MICAL2: variants seen among roughly 807,000 people sequenced by gnomAD.
The protein encoded by MICAL2 is microtubule associated monooxygenase, calponin and LIM domain containing 2.
MICAL2 carries 77 observed loss-of-function variants against 127.3 expected under a neutral mutation model. The observed-to-expected ratio is 0.60, with a 90% CI of 0.50 to 0.73. The LOEUF is 0.73. MICAL2 is among the 30% of genes least tolerant of loss of function. MICAL2 has a pLI of 0.00. For synonymous variants in MICAL2, 570 were observed against 551.1 expected (o/e 1.03, Z -0.48); for missense variants, 1,351 against 1,434.4 (o/e 0.94, Z 0.94).
intron 3 of MICAL2, among the ~76,000 whole-genome samples, chr11:12,171,717 G>A (rs1398687376): frequency 2.0e-5 from 3 of 152,158 alleles, no homozygotes; most frequent in African/African-American, 4.8e-5. Context: ...TTAAGGAGAA[G>A]TGAGGAGAGA....
intron 14 of MICAL2, 104 bp from the exon 15 acceptor site, chr11:12,226,921 G>C (rs1009445386): frequency 8.2e-6 from 7 of 850,564 alleles, no homozygotes; most frequent in Non-Finnish European, 1.4e-5. Context: ...CCCAAGTGCT[G>C]GGATTACAGG....
chr11:12,160,016 G>A (rs1854597532), intron 2 of MICAL2, among the ~76,000 whole-genome samples: 2 of 152,238 alleles, frequency 1.3e-5, no homozygotes. Flanking sequence ...GGAGGACCCA[G>A]CCTGGGTAGG....
rs78986346 is a variant in MICAL2 at position 12,224,657 on chromosome 11, G to C, written c.1541-16G>C. 1.2e-6 allele frequency: 2 copies of C among 1,610,294 alleles called. No individual in the cohort carries two copies. The highest frequency in any genetic ancestry group is 1.1e-5 in the South Asian group (1 of 90,982). On this transcript the variant is annotated splice_polypyrimidine_tract_variant and intron_variant, in intron 12 of 27. Transcript: ENST00000683283. ...ATTCCTGCAGAGCCTCACTGCCTGCGCTCTCCTTCTTGCAGAGTCAGATAT... is the reference window on the plus strand; with the variant it reads ...ATTCCTGCAGAGCCTCACTGCCTGCCCTCTCCTTCTTGCAGAGTCAGATAT...
At position 12,193,050 on chromosome 11, in the gene MICAL2, C is replaced by G. The variant is rs112589790; in HGVS notation, c.265-11200C>G. On this transcript the variant is annotated intron_variant, in intron 3 of 27. Transcript: ENST00000683283. Reference sequence around the variant, plus strand: ...GCTGCCTGCTTCTAGTCTCAGGTCCCTCACTACACCACCATATCCGCTATT... The same window carrying G: ...GCTGCCTGCTTCTAGTCTCAGGTCCGTCACTACACCACCATATCCGCTATT... Among the ~76,000 whole-genome samples, 326 of 152,278 alleles carry G rather than the reference C, an allele frequency of 2.1e-3. 1 individual carries two copies. The highest frequency in any genetic ancestry group is 7.3e-3 in the African/African-American group (302 of 41,558).
chr11:12,262,663 A>T, intron 27 of MICAL2, 126 bp downstream of exon 27: 1 of 804,146 alleles, frequency 1.2e-6, no homozygotes, highest in Non-Finnish European at 2.1e-6. Flanking sequence ...TGATGGACTC[A>T]TTTGGTGGCA....
intron 33 of MICAL2, among the ~76,000 whole-genome samples, chr11:12,353,277 T>G (rs1939081103): frequency 6.6e-6 from 1 of 152,188 alleles, no homozygotes; most frequent in African/African-American, 2.4e-5. Flanking sequence ...GCCCTCACCC[T>G]CTTCAAGTCT....
At chr11:12,194,287 TCAC>T (rs1859592121) in intron 3 of MICAL2, among the ~76,000 whole-genome samples, 1 of 152,208 alleles carries the variant, frequency 6.6e-6, no homozygotes. Context: ...AATCCTAGCT[TCAC>T]CACTGAATAG....
Position 12,322,939 on chromosome 11 carries a change from T to A in MICAL2, c.5329-1039T>A, listed in dbSNP as rs1864315717. ...TAGTGTATCCCTACAAAGTAGGCAG[T>A]AAATTCTTCTCATTACTCTAAAGAG... is the stretch of plus-strand genomic sequence containing the variant. On this transcript the variant is annotated intron_variant, in intron 30 of 34. Transcript: ENST00000646065. 2.0e-5 allele frequency among the ~76,000 whole-genome samples: 3 copies of A among 152,196 alleles called. No individual in the cohort carries two copies. In the South Asian group the frequency reaches 6.2e-4, roughly 32 times the overall value.
chr11:12,358,145 G>C, intron 34 of MICAL2: 1 of 690,824 alleles, frequency 1.4e-6, no homozygotes, highest in Non-Finnish European at 2.4e-6. Flanking sequence ...CTCACTCTAA[G>C]GGCGGTTCCT....
chr11:12,239,667 A>T, intron 17 of MICAL2, 82 bp downstream of exon 17: 5 of 1,519,104 alleles, frequency 3.3e-6, no homozygotes, highest in Non-Finnish European at 4.4e-6. Flanking sequence ...TAGACTTCAG[A>T]TATGCCAGCC....
At chr11:12,346,403 C>T (rs1266835806) in intron 32 of MICAL2, among the ~76,000 whole-genome samples, 2 of 152,212 alleles carry the variant, frequency 1.3e-5, no homozygotes, top group Non-Finnish European at 2.9e-5. Flanking sequence ...ATGATAATTG[C>T]TCAAGCCCAC....
chr11:12,203,028 T>C (rs1207179622), intron 3 of MICAL2, among the ~76,000 whole-genome samples: 1 of 152,230 alleles, frequency 6.6e-6, no homozygotes, highest in Admixed American at 6.5e-5. Flanking sequence ...AAATACAATA[T>C]GTGTCCTTTT....
chr11:12,200,414 G>A (rs1055266563), intron 3 of MICAL2, among the ~76,000 whole-genome samples: 10 of 152,318 alleles, frequency 6.6e-5, no homozygotes, highest in Non-Finnish European at 1.2e-4. Context: ...AGCTTCTACA[G>A]TGGGCATGCT....
At chr11:12,143,034 C>G (rs554658244) in intron 2 of MICAL2, among the ~76,000 whole-genome samples, 6 of 152,318 alleles carry the variant, frequency 3.9e-5, no homozygotes, top group South Asian at 4.1e-4. Context: ...GACTTGTGGC[C>G]TAGCCTGGTG....
At chr11:12,220,570 A>T (rs2134264663) in intron 9 of MICAL2, 112 bp downstream of exon 9, 1 of 1,428,066 alleles carries the variant, frequency 7.0e-7, no homozygotes, top group Non-Finnish European at 9.3e-7. Context: ...GCTCTCAGCC[A>T]GTTGGCAGGA....
At chr11:12,345,323 G>A (rs1938937131) in intron 32 of MICAL2, among the ~76,000 whole-genome samples, 1 of 152,182 alleles carries the variant, frequency 6.6e-6, no homozygotes, top group African/African-American at 2.4e-5. Context: ...TTTGACCTTG[G>A]TCATTTCTCT....
At chr11:12,151,641 C>T (rs930980824) in intron 2 of MICAL2, among the ~76,000 whole-genome samples, 9 of 152,232 alleles carry the variant, frequency 5.9e-5, no homozygotes, top group Admixed American at 2.6e-4. Flanking sequence ...TCTTGTGGCT[C>T]ACCAACTTCA....
chr11:12,300,554 T>G (rs1021981433), intron 29 of MICAL2, among the ~76,000 whole-genome samples: 5 of 152,020 alleles, frequency 3.3e-5, no homozygotes, highest in African/African-American at 1.2e-4. Context: ...AAGTAGTAAA[T>G]TTGCTGTGGT....
At chr11:12,340,247 A>T (rs1311834211) in intron 32 of MICAL2, among the ~76,000 whole-genome samples, 1 of 152,268 alleles carries the variant, frequency 6.6e-6, no homozygotes, top group African/African-American at 2.4e-5. Context: ...GACAAATGAC[A>T]TAAATATTCT....
Sources: gnomAD v4.1 joint callset for allele counts (sites outside exome capture counted in the v4.1 genomes callset) on GRCh38, gnomAD v4.1.1 for gene constraint, MANE v1.5 for transcripts, NCBI Gene and HGNC (gene_info 2026-07-23, HGNC 2026-07-21) for gene names.